The following HMBOX1 variants were observed in gnomAD, a reference collection of about 807,000 sequenced individuals.
The protein encoded by HMBOX1 is homeobox containing 1.
HMBOX1 carries 14 observed loss-of-function variants against 54.5 expected under a neutral mutation model. The observed-to-expected ratio is 0.26, with a 90% CI of 0.17 to 0.40. The LOEUF is 0.40. Ranked by LOEUF, HMBOX1 falls within the 10% of genes least tolerant of loss-of-function variation. The pLI, the probability that HMBOX1 is intolerant of heterozygous loss-of-function variation, is 1.00. For synonymous variants in HMBOX1, 160 were observed against 181.0 expected (o/e 0.88, Z 0.93); for missense variants, 332 against 514.4 (o/e 0.65, Z 3.43).
intron 4 of HMBOX1, among the ~76,000 whole-genome samples, chr8:28,981,940 A>C (rs973543592): frequency 2.0e-5 from 3 of 152,146 alleles, no homozygotes; most frequent in African/African-American, 7.2e-5. Context: ...CTAGAATCGT[A>C]AAAATACTGA....
intron 3 of HMBOX1, among the ~76,000 whole-genome samples, chr8:28,973,813 T>TTTTGTTTGTTTG (rs1563501736): frequency 2.9e-5 from 1 of 35,058 alleles, no homozygotes; most frequent in South Asian, 9.2e-4. Flanking sequence ...GTTTTTTTTT[T>TTTTGTTTGTTTG]TTTTTTTTTT....
chr8:28,906,539 C>G (rs184022406), intron 1 of HMBOX1, among the ~76,000 whole-genome samples: 1 of 152,054 alleles, frequency 6.6e-6, no homozygotes, highest in Non-Finnish European at 1.5e-5. Flanking sequence ...TCAAACATGA[C>G]GTATGTAGAG....
intron 1 of HMBOX1, among the ~76,000 whole-genome samples, chr8:28,914,586 A>T (rs775119755): frequency 6.6e-6 from 1 of 152,254 alleles, no homozygotes; most frequent in Non-Finnish European, 1.5e-5. Flanking sequence ...ACTTCAGCTT[A>T]GCATTCTTTG....
At chr8:28,962,413 C>T (rs1349456080) in intron 1 of HMBOX1, among the ~76,000 whole-genome samples, 1 of 151,804 alleles carries the variant, frequency 6.6e-6, no homozygotes, top group Non-Finnish European at 1.5e-5. Flanking sequence ...AAAGGATCCC[C>T]TCTAGAAGGG....
At chr8:28,996,627 A>G in intron 4 of HMBOX1, among the ~76,000 whole-genome samples, 1 of 152,130 alleles carries the variant, frequency 6.6e-6, no homozygotes, top group East Asian at 1.9e-4. Context: ...TGAAGTGTAT[A>G]TTGTTTTGTT....
At chr8:28,981,599 A>T (rs1252675360) in intron 4 of HMBOX1, among the ~76,000 whole-genome samples, 1 of 152,150 alleles carries the variant, frequency 6.6e-6, no homozygotes, top group Non-Finnish European at 1.5e-5. Context: ...TTTTAGTGTT[A>T]CAGAATAGCA....
At chr8:28,940,625 A>C (rs572662148) in intron 1 of HMBOX1, among the ~76,000 whole-genome samples, 2 of 152,346 alleles carry the variant, frequency 1.3e-5, no homozygotes, top group East Asian at 3.9e-4. Context: ...GTGGAGGAAT[A>C]ATGGTTTGCA....
rs113458427 is a variant in HMBOX1 at position 28,933,990 on chromosome 8, A to C, written c.-57-29821A>C. ...AACTCATGAGGCCAGCATTACTAGA[A>C]TGCTAAGACAGAGACATTACAGGAA... On this transcript the variant is annotated intron_variant, in intron 1 of 9. Coordinates refer to ENST00000287701, the MANE Select transcript of HMBOX1 (RefSeq NM_001135726.3). Among the ~76,000 whole-genome samples the C allele has an allele frequency of 2.8e-3, 426 of 152,330 alleles. 4 individuals carry two copies. The highest frequency in any genetic ancestry group is 9.4e-3 in the African/African-American group (391 of 41,582).
intron 1 of HMBOX1, among the ~76,000 whole-genome samples, chr8:28,918,554 T>A (rs1816979752): frequency 1.3e-5 from 2 of 152,234 alleles, no homozygotes; most frequent in African/African-American, 4.8e-5. Flanking sequence ...CCATTTCATC[T>A]GAGTTACTGA....
rs746050348 is a variant in HMBOX1, at chr8:29,045,394, A to G, written c.885A>G (p.Ala295=). 8 of 1,614,224 alleles carry G rather than the reference A, an allele frequency of 5.0e-6. No homozygotes were observed. Among genetic ancestry groups the G allele is most frequent in the Non-Finnish European group, 5.9e-6 (7 of 1,180,008 alleles). Residue 295 remains alanine (A), a synonymous_variant, in exon 7 of 10, where the codon GCA becomes GCG. Transcript: ENST00000287701. ...ATGAGAATCAATACCCAGATGAAGC[A>G]AAGAGGGAAGAAATTGCAAACGCTT... ...YFNENQYPDE[A]KREEIANACN...
chr8:28,960,623 A>T (rs1350495136), intron 1 of HMBOX1, among the ~76,000 whole-genome samples: 6 of 150,376 alleles, frequency 4.0e-5, no homozygotes, highest in African/African-American at 1.5e-4. Context: ...TTTATACTTT[A>T]AAAAAAAATT....
intron 1 of HMBOX1, among the ~76,000 whole-genome samples, chr8:28,929,803 A>G (rs1346413068): frequency 6.6e-6 from 1 of 152,086 alleles, no homozygotes; most frequent in Non-Finnish European, 1.5e-5. Flanking sequence ...AAGCACTGCT[A>G]TCCCCTGCCA....
intron 5 of HMBOX1, chr8:29,010,102 G>A (rs1261240727): frequency 6.1e-6 from 6 of 979,606 alleles, no homozygotes; most frequent in Admixed American, 1.2e-4. Flanking sequence ...TTCTCAATCC[G>A]AATGGTCCAG....
chr8:29,014,761 C>T (rs534369096), intron 5 of HMBOX1, among the ~76,000 whole-genome samples: 1 of 152,220 alleles, frequency 6.6e-6, no homozygotes, highest in South Asian at 2.1e-4. Flanking sequence ...CTCACTGCAA[C>T]CTCTGCCTCC....
intron 1 of HMBOX1, among the ~76,000 whole-genome samples, chr8:28,954,174 T>G (rs1823995525): frequency 6.6e-6 from 1 of 152,148 alleles, no homozygotes; most frequent in African/African-American, 2.4e-5. Context: ...TAATGTCTAA[T>G]TTATGGGATT....
intron 2 of HMBOX1, among the ~76,000 whole-genome samples, chr8:28,967,715 T>C (rs912471360): frequency 5.3e-5 from 8 of 152,190 alleles, no homozygotes; most frequent in Non-Finnish European, 1.2e-4. Flanking sequence ...AAAATAATAA[T>C]GTTTATGTTT....
Position 28,963,926 on chromosome 8 carries a change from A to G in HMBOX1, c.23+36A>G, listed in dbSNP as rs534435873. 107 of 1,520,654 alleles carry G rather than the reference A, an allele frequency of 7.0e-5. 1 individual carries two copies. The South Asian group carries it at 1.2e-3, about 17-fold the overall frequency. 94.2% of individuals were successfully genotyped at this position (1,520,654 alleles called of 1,614,324 possible). A position where few individuals can be genotyped will look rare whatever the true frequency, so the allele number is the denominator to read the frequency against. ...AGTCCTTTTTGATTTTTATCTTCACAATCATTTTAGTAAAGTTAAGATGTC... is the reference window on the plus strand; with the variant it reads ...AGTCCTTTTTGATTTTTATCTTCACGATCATTTTAGTAAAGTTAAGATGTC... On this transcript the variant is annotated intron_variant, in intron 2 of 9. Coordinates refer to ENST00000287701, the MANE Select transcript of HMBOX1 (RefSeq NM_001135726.3).
chr8:28,909,840 C>A (rs1341249352), intron 1 of HMBOX1, among the ~76,000 whole-genome samples: 1 of 152,076 alleles, frequency 6.6e-6, no homozygotes, highest in Non-Finnish European at 1.5e-5. Flanking sequence ...CCACGACAAT[C>A]CAATTTTAGA....
At chr8:28,991,847 G>T (rs1431495481) in intron 4 of HMBOX1, among the ~76,000 whole-genome samples, 1 of 152,208 alleles carries the variant, frequency 6.6e-6, no homozygotes, top group East Asian at 1.9e-4. Flanking sequence ...CTTTTTACTA[G>T]CCTGCACCCT....
Sources: allele counts gnomAD v4.1 joint callset (sites outside exome capture counted in the v4.1 genomes callset), GRCh38; gene constraint gnomAD v4.1.1; transcripts MANE v1.5; gene names NCBI Gene and HGNC (gene_info 2026-07-23, HGNC 2026-07-21).